Variants in SLIT2 observed in about 807,000 individuals in gnomAD.
SLIT2 encodes the protein slit homolog 2 protein.
Under a neutral mutation model 185.7 loss-of-function variants are expected in SLIT2, and 41 were observed. The ratio of observed to expected loss-of-function variants is 0.22; its 90% CI spans 0.17 to 0.29. The LOEUF (loss-of-function observed/expected upper bound fraction) is 0.29. Ranked by LOEUF, SLIT2 falls within the 10% of genes least tolerant of loss-of-function variation. The pLI is 1.00. For synonymous variants in SLIT2, 693 were observed against 680.2 expected, an observed-to-expected ratio of 1.02 and a Z score of -0.29; for missense variants, 1,571 against 1,909.0, an observed-to-expected ratio of 0.82 and a Z score of 3.30.
intron 26 of SLIT2, among the ~76,000 whole-genome samples, chr4:20,566,139 G>C (rs901424049): frequency 1.2e-4 from 18 of 152,054 alleles, no homozygotes; most frequent in Admixed American, 3.3e-4. Context: ...GGTTAGAGCA[G>C]TAACGGTGGG....
intron 4 of SLIT2, among the ~76,000 whole-genome samples, chr4:20,403,009 C>A (rs568571939): frequency 8.2e-4 from 124 of 151,662 alleles, no homozygotes; most frequent in African/African-American, 2.8e-3. Context: ...ATAATCATAT[C>A]AAATTACATT....
In SLIT2 at chr4:20,556,575, G is replaced by GTC. The variant is rs1169441543; in HGVS notation, c.2725+2621_2725+2622dup. On this transcript the variant is annotated intron_variant, in intron 26 of 36. Transcript: ENST00000504154. ...CTTGGAAGTCCAAGATAAGTCCCCT[G>GTC]TCTCTCTCTCTCTCTTTCACCTTGG... Among the ~76,000 whole-genome samples the GTC allele has an allele frequency of 5.9e-5, 9 of 151,310 alleles. No individual in the cohort carries two copies. In the South Asian group the frequency reaches 6.3e-4, roughly 11 times the overall value.
intron 4 of SLIT2, among the ~76,000 whole-genome samples, chr4:20,442,514 ACT>A (rs1224084588): frequency 8.4e-6 from 1 of 119,600 alleles, no homozygotes; most frequent in African/African-American, 3.4e-5. Flanking sequence ...ACAGAGGGAG[ACT>A]CTGTCTCAAA....
intron 4 of SLIT2, among the ~76,000 whole-genome samples, chr4:20,333,034 T>C (rs1039208956): frequency 6.6e-6 from 1 of 152,168 alleles, no homozygotes; most frequent in Non-Finnish European, 1.5e-5. Context: ...AAAATTTTAG[T>C]ATATTTAAGA....
At chr4:20,270,979 TAATTA>T (rs927191081) in intron 4 of SLIT2, among the ~76,000 whole-genome samples, 6 of 141,304 alleles carry the variant, frequency 4.2e-5, no homozygotes, top group South Asian at 2.3e-4. Context: ...TGGTGATAAT[TAATTA>T]AATTAAACAA....
chr4:20,578,041 G>T (rs1200602125), intron 29 of SLIT2, among the ~76,000 whole-genome samples: 1 of 152,164 alleles, frequency 6.6e-6, no homozygotes, highest in African/African-American at 2.4e-5. Flanking sequence ...CACACCTCGG[G>T]CTCACATCTC....
intron 3 of SLIT2, among the ~76,000 whole-genome samples, chr4:20,258,251 G>A (rs977692422): frequency 6.6e-6 from 1 of 151,724 alleles, no homozygotes; most frequent in Non-Finnish European, 1.5e-5. Flanking sequence ...TGCTCATGTA[G>A]GAAGAAAGGT....
At chr4:20,412,138 A>G (rs947444462) in intron 4 of SLIT2, among the ~76,000 whole-genome samples, 4 of 151,956 alleles carry the variant, frequency 2.6e-5, no homozygotes, top group Admixed American at 1.3e-4. Flanking sequence ...ACACACTTAC[A>G]TGTCTGCATT....
At chr4:20,360,191 C>G (rs545859870) in intron 4 of SLIT2, among the ~76,000 whole-genome samples, 1 of 152,192 alleles carries the variant, frequency 6.6e-6, no homozygotes, top group Admixed American at 6.6e-5. Context: ...TTCCATTAAC[C>G]AAAAAGTTCA....
At chr4:20,545,326 T>C (rs1271033165) in intron 21 of SLIT2, among the ~76,000 whole-genome samples, 2 of 152,012 alleles carry the variant, frequency 1.3e-5, no homozygotes, top group Admixed American at 6.6e-5. Context: ...TGTGACATAA[T>C]AGATATAACT....
intron 29 of SLIT2, among the ~76,000 whole-genome samples, chr4:20,579,645 A>G (rs926913358): frequency 2.0e-4 from 31 of 152,108 alleles, no homozygotes; most frequent in Non-Finnish European, 3.4e-4. Context: ...AATTTCTCCC[A>G]AGATGTGTAA....
chr4:20,343,827 C>T (rs1721163923), intron 4 of SLIT2, among the ~76,000 whole-genome samples: 1 of 141,626 alleles, frequency 7.1e-6, no homozygotes, highest in African/African-American at 2.7e-5. Flanking sequence ...AAAAAATTGA[C>T]ATTCATTCAG....
chr4:20,501,848 G>T (rs529638523), intron 9 of SLIT2, among the ~76,000 whole-genome samples: 1 of 152,082 alleles, frequency 6.6e-6, no homozygotes, highest in South Asian at 2.1e-4. Context: ...TGAAGAGAAA[G>T]AATTATACTA....
At chr4:20,389,133 C>T (rs150717548) in intron 4 of SLIT2, among the ~76,000 whole-genome samples, 514 of 150,698 alleles carry the variant, frequency 3.4e-3, no homozygotes, top group South Asian at 0.014. Context: ...ATTTTTCAAG[C>T]GTATGATAAT....
At chr4:20,429,331 A>G (rs1728793465) in intron 4 of SLIT2, among the ~76,000 whole-genome samples, 1 of 152,192 alleles carries the variant, frequency 6.6e-6, no homozygotes, top group South Asian at 2.1e-4. Flanking sequence ...AATGTGGATT[A>G]TAATTTAAGT....
chr4:20,374,368 GC>G (rs1199987471), intron 4 of SLIT2, among the ~76,000 whole-genome samples: 1 of 152,082 alleles, frequency 6.6e-6, no homozygotes, highest in Non-Finnish European at 1.5e-5. Context: ...AATACATGAA[GC>G]AAAATTGTTC....
rs1286155904 is a variant in SLIT2 at position 20,617,424 on chromosome 4, TC to T, written c.4137-13del. ...TCTGAATGCATTCCCACTCCTGTGT[TC>T]CTCCTCCCTGTAGATGCGTACATGG... On this transcript the variant is annotated splice_polypyrimidine_tract_variant and intron_variant, in intron 35 of 36. Coordinates refer to ENST00000504154, the MANE Select transcript of SLIT2 (RefSeq NM_004787.4). 2.5e-6 allele frequency: 4 copies of T among 1,610,262 alleles called. No individual in the cohort carries two copies. The highest frequency in any genetic ancestry group is 3.4e-6 in the Non-Finnish European group (4 of 1,176,682).
At chr4:20,390,512 C>T (rs924290477) in intron 4 of SLIT2, among the ~76,000 whole-genome samples, 13 of 151,998 alleles carry the variant, frequency 8.6e-5, no homozygotes, top group Admixed American at 3.3e-4. Flanking sequence ...GTTCCTAAAA[C>T]CACTAGTAGT....
chr4:20,444,499 G>A (rs564515898), intron 4 of SLIT2, among the ~76,000 whole-genome samples: 3 of 152,224 alleles, frequency 2.0e-5, no homozygotes, highest in South Asian at 2.1e-4. Flanking sequence ...TCCAGGCTTA[G>A]GGGTCACACA....
Sources: gnomAD v4.1 joint callset for allele counts (sites outside exome capture counted in the v4.1 genomes callset) on GRCh38, gnomAD v4.1.1 for gene constraint, MANE v1.5 for transcripts, NCBI Gene and HGNC (gene_info 2026-07-23, HGNC 2026-07-21) for gene names.